Variants in LIG1 observed in about 807,000 individuals in gnomAD.
The protein encoded by LIG1 is ligase I, DNA, ATP-dependent.
Under a neutral mutation model 115.7 loss-of-function variants are expected in LIG1, and 70 were observed. The ratio of observed to expected loss-of-function variants is 0.60; its 90% CI spans 0.50 to 0.74. The LOEUF (loss-of-function observed/expected upper bound fraction) is 0.74, where lower values mean the gene tolerates loss of function less well. Among genes scored for constraint, LIG1 ranks in the 30% least tolerant of loss-of-function variants. LIG1 has a pLI of 0.00. For missense variants in LIG1, 1,115 were observed against 1,225.6 expected (o/e 0.91, Z 1.35); for synonymous variants, 487 against 495.3 (o/e 0.98, Z 0.22).
intron 3 of LIG1, among the ~76,000 whole-genome samples, chr19:48,161,848 T>C (rs1209576223): frequency 1.5e-5 from 2 of 132,050 alleles, no homozygotes; most frequent in African/African-American, 2.9e-5. Context: ...TTTTTTGAGA[T>C]GGAATCTTGC....
rs1294279708 is a variant in LIG1 at position 48,115,607 on chromosome 19, T to A, written c.*42A>T. 3 of 1,437,656 alleles carry A rather than the reference T, an allele frequency of 2.1e-6. No homozygotes were observed. Among genetic ancestry groups the A allele is most frequent in the Non-Finnish European group, 2.9e-6 (3 of 1,019,618 alleles). The allele number at this position is 1,437,656 out of a possible 1,614,324, so 89.1% of individuals were successfully genotyped here. A position where few individuals can be genotyped will look rare whatever the true frequency, so the allele number is the denominator to read the frequency against. On this transcript the variant is annotated 3_prime_UTR_variant, in exon 28 of 28. Transcript: ENST00000263274. ...AAGGCAATAATAACCCTGGGGTCCGTCCAACTCATGCCCTGTACCCAGGCC... is the reference window on the plus strand; with the variant it reads ...AAGGCAATAATAACCCTGGGGTCCGACCAACTCATGCCCTGTACCCAGGCC...
At chr19:48,128,156 GCTTTT>G (rs2033796793) in intron 19 of LIG1, 136 bp from the exon 20 acceptor site, 1 of 723,968 alleles carries the variant, frequency 1.4e-6, no homozygotes, top group South Asian at 1.5e-5. Context: ...GCACACAGAT[GCTTTT>G]CTTTTATTCC....
At chr19:48,154,710 A>C (rs1343167415) in intron 5 of LIG1, 1 of 153,842 alleles carries the variant, frequency 6.5e-6, no homozygotes, top group Non-Finnish European at 1.4e-5. Flanking sequence ...ACCCATCTTC[A>C]CTGTTATATC....
chr19:48,116,046 GT>G, intron 26 of LIG1, 81 bp from the exon 27 acceptor site: 6 of 1,017,192 alleles, frequency 5.9e-6, no homozygotes, highest in Admixed American at 1.9e-5. Context: ...ACTCTGGACT[GT>G]TTCCTGATCC....
chr19:48,167,793 TCCAG>T (rs2036556177), intron 1 of LIG1, among the ~76,000 whole-genome samples: 1 of 138,748 alleles, frequency 7.2e-6, no homozygotes, highest in African/African-American at 2.7e-5. Context: ...ACCACTGGAC[TCCAG>T]CCTGGGCGAC....
intron 9 of LIG1, among the ~76,000 whole-genome samples, chr19:48,148,873 A>C (rs1351766298): frequency 2.0e-5 from 3 of 152,230 alleles, no homozygotes; most frequent in African/African-American, 7.2e-5. Context: ...CAGCACACTA[A>C]GCACATCACG....
At chr19:48,155,379 G>A (rs1168030207) in intron 5 of LIG1, among the ~76,000 whole-genome samples, 3 of 152,148 alleles carry the variant, frequency 2.0e-5, no homozygotes, top group Non-Finnish European at 4.4e-5. Context: ...AAGTAGATGA[G>A]AGGCCCCAAA....
rs3730866 is a variant in LIG1, at chr19:48,157,007, T to C, written c.370+7A>G. The stretch of plus-strand genomic sequence containing the variant: ...GACTGAAGGGGCAGGGGCCCGTGTG[T>C]TCTCACCTGTGCGACGCTTCGGAAT... On this transcript the variant is annotated splice_region_variant and intron_variant, in intron 5 of 27. Transcript: ENST00000263274. 9.4e-4 allele frequency: 1,508 copies of C among 1,602,886 alleles called. 14 individuals are homozygous for C. In the African/African-American group the frequency reaches 0.018, roughly 19 times the overall value.
intron 24 of LIG1, chr19:48,120,810 G>A (rs2033209959): frequency 1.8e-6 from 1 of 561,150 alleles, no homozygotes; most frequent in South Asian, 3.6e-5. Context: ...AAAAAAATGT[G>A]GGGACAAAAA....
At chr19:48,117,158 G>T (rs1228370762) in intron 26 of LIG1, among the ~76,000 whole-genome samples, 2 of 150,704 alleles carry the variant, frequency 1.3e-5, no homozygotes, top group Admixed American at 6.6e-5. Flanking sequence ...TTTAAGAAAA[G>T]AATTTTCTTT....
rs201002049 is a variant in LIG1, at chr19:48,154,088, GCA to G, written c.371-123_371-122del. The G allele has an allele frequency of 7.4e-4, 597 of 811,094 alleles. 2 individuals are homozygous for G. The African/African-American group carries it at 8.7e-3, about 12-fold the overall frequency. The allele number at this position is 811,094 out of a possible 1,614,324, so 50.2% of individuals were successfully genotyped here. On this transcript the variant is annotated intron_variant, in intron 5 of 27. Coordinates refer to ENST00000263274, the MANE Select transcript of LIG1 (RefSeq NM_000234.3). ...CTGGGCCCTCTCCCCTTCTCTGCCT[GCA>G]CACAGTCACTGCCCCAGTGCAGGCC...
Position 48,126,904 on chromosome 19 carries a change from A to T in LIG1, c.2004+373T>A, listed in dbSNP as rs948613484. ...TAAATAACATATTTTGATGAAACAT[A>T]ACCCAAGTTTTGAGAAAGTGGTGAG... On this transcript the variant is annotated intron_variant, in intron 21 of 27. Transcript: ENST00000263274. 8.1e-5 allele frequency: 22 copies of T among 270,320 alleles called. No homozygotes were observed. The Admixed American group carries it at 9.7e-4, about 12-fold the overall frequency. 16.7% of individuals were successfully genotyped at this position (270,320 alleles called of 1,614,324 possible). A position where few individuals can be genotyped will look rare whatever the true frequency, so the allele number is the denominator to read the frequency against.
At position 48,135,757 on chromosome 19, in the gene LIG1, A is replaced by G. The variant is rs1458552464; in HGVS notation, c.1446T>C (p.Asp482=). Residue 482 remains aspartate, a synonymous_variant, in exon 16 of 28, where the codon GAT becomes GAC. Coordinates refer to ENST00000263274, the MANE Select transcript of LIG1 (RefSeq NM_000234.3). ...PGQEFPPAMV[D]AGKGKTAEAR... Reference sequence around the variant, plus strand: ...CCTCTGCTGTCTTGCCCTTCCCAGCATCCACCATGGCTGGTGGGAATTCTA... The same window carrying G: ...CCTCTGCTGTCTTGCCCTTCCCAGCGTCCACCATGGCTGGTGGGAATTCTA... 1 of 1,614,106 alleles carries G rather than the reference A, an allele frequency of 6.2e-7. No homozygotes were observed. Among genetic ancestry groups the G allele is most frequent in the Non-Finnish European group, 8.5e-7 (1 of 1,179,964 alleles).
intron 5 of LIG1, among the ~76,000 whole-genome samples, chr19:48,154,740 AC>A (rs761607075): frequency 9.2e-5 from 14 of 152,300 alleles, no homozygotes; most frequent in Non-Finnish European, 1.9e-4. Context: ...CCATTGCGCC[AC>A]CTGGTCCCCG....
intron 18 of LIG1, among the ~76,000 whole-genome samples, 192 bp downstream of exon 18, chr19:48,132,790 C>CAAAAAAAAAAAAAAAAAAAAAAA (rs71181649): frequency 2.1e-5 from 1 of 48,258 alleles, no homozygotes; most frequent in African/African-American, 1.1e-4. Context: ...GACTCTGTCT[C>CAAAAAAAAAAAAAAAAAAAAAAA]AAAAAAAAAA....
At chr19:48,138,855 G>C (rs1184559569) in intron 12 of LIG1, among the ~76,000 whole-genome samples, 1 of 152,190 alleles carries the variant, frequency 6.6e-6, no homozygotes, top group Non-Finnish European at 1.5e-5. Flanking sequence ...TGCTGGGTCT[G>C]GTATGACGTC....
chr19:48,140,598 G>A (rs191930455), intron 11 of LIG1, among the ~76,000 whole-genome samples: 11 of 152,240 alleles, frequency 7.2e-5, no homozygotes, highest in East Asian at 1.9e-4. Context: ...TAGGGGTCAC[G>A]CAGCCTCTGG....
intron 21 of LIG1, among the ~76,000 whole-genome samples, chr19:48,124,194 G>A (rs1198021506): frequency 6.6e-6 from 1 of 152,196 alleles, no homozygotes; most frequent in Non-Finnish European, 1.5e-5. Flanking sequence ...CCTCCAGGGG[G>A]ACATTCACGT....
At chr19:48,121,396 C>T (rs2033264242) in intron 23 of LIG1, 74 bp from the exon 24 acceptor site, 3 of 1,385,162 alleles carry the variant, frequency 2.2e-6, no homozygotes, top group Non-Finnish European at 9.6e-7. Context: ...GGAGGGGCTC[C>T]TCAGTGGACT....
Sources: allele counts gnomAD v4.1 joint callset (sites outside exome capture counted in the v4.1 genomes callset), GRCh38; gene constraint gnomAD v4.1.1; transcripts MANE v1.5; gene names NCBI Gene and HGNC (gene_info 2026-07-23, HGNC 2026-07-21).